Variants in SNX9 observed in about 807,000 individuals in gnomAD.
SNX9 encodes the protein sorting nexin 9.
In SNX9, 44 loss-of-function variants were observed where a neutral mutation model predicts 89.4. That is an observed-to-expected ratio of 0.49 (90% CI 0.39 to 0.63). The LOEUF (loss-of-function observed/expected upper bound fraction) is 0.63. SNX9 is among the 30% of genes least tolerant of loss of function. The pLI, the probability that SNX9 is intolerant of heterozygous loss-of-function variation, is 0.00. For missense variants in SNX9, 578 were observed against 736.1 expected, an observed-to-expected ratio of 0.79 and a Z score of 2.49; for synonymous variants, 236 against 247.8, an observed-to-expected ratio of 0.95 and a Z score of 0.45.
chr6:157,940,849 G>A (rs770201386), intron 16 of SNX9, 34 bp from the exon 17 acceptor site: 4 of 1,595,956 alleles, frequency 2.5e-6, no homozygotes, highest in Non-Finnish European at 3.4e-6. Flanking sequence ...AAAACTTGAG[G>A]GAAAACTGAT....
chr6:157,932,885 AAAAAAAAAAG>A (rs1419941377), intron 13 of SNX9, among the ~76,000 whole-genome samples: 92 of 150,504 alleles, frequency 6.1e-4, no homozygotes, highest in African/African-American at 2.2e-3. Flanking sequence ...AAAAAAAAAA[AAAAAAAAAAG>A]CCAGATTTCA....
intron 4 of SNX9, among the ~76,000 whole-genome samples, chr6:157,888,059 T>C (rs965000513): frequency 3.9e-5 from 6 of 152,062 alleles, no homozygotes; most frequent in African/African-American, 1.5e-4. Flanking sequence ...CCGGGAGACA[T>C]TGTGTTCACA....
intron 11 of SNX9, 127 bp from the exon 12 acceptor site, chr6:157,928,472 T>C (rs1048374401): frequency 4.3e-6 from 3 of 695,552 alleles, no homozygotes; most frequent in Middle Eastern, 2.4e-4. Context: ...TATTTAAGGC[T>C]AACTTAGTGA....
At chr6:157,878,762 T>C (rs1782567908) in intron 4 of SNX9, among the ~76,000 whole-genome samples, 1 of 152,186 alleles carries the variant, frequency 6.6e-6, no homozygotes, top group Non-Finnish European at 1.5e-5. Context: ...AAGGATATAA[T>C]TGATACATTT....
intron 1 of SNX9, among the ~76,000 whole-genome samples, chr6:157,837,725 A>G (rs1262923969): frequency 1.3e-5 from 2 of 152,210 alleles, no homozygotes; most frequent in African/African-American, 4.8e-5. Flanking sequence ...GCATGAAGGC[A>G]TGGGCATGCT....
At chr6:157,924,986 G>C (rs1316763846) in intron 10 of SNX9, among the ~76,000 whole-genome samples, 2 of 152,180 alleles carry the variant, frequency 1.3e-5, no homozygotes, top group African/African-American at 4.8e-5. Flanking sequence ...CTATCCTAGA[G>C]AGCAGGGAAG....
At chr6:157,825,042 G>C (rs1262292842) in intron 1 of SNX9, among the ~76,000 whole-genome samples, 1 of 152,136 alleles carries the variant, frequency 6.6e-6, no homozygotes, top group African/African-American at 2.4e-5. Context: ...GAGGTCGGGA[G>C]CTCGAGACAA....
At chr6:157,882,467 C>T (rs1583215223) in intron 4 of SNX9, among the ~76,000 whole-genome samples, 1 of 152,140 alleles carries the variant, frequency 6.6e-6, no homozygotes, top group Non-Finnish European at 1.5e-5. Flanking sequence ...ATAAGAAATA[C>T]ATTTCGCAAG....
intron 4 of SNX9, among the ~76,000 whole-genome samples, chr6:157,886,060 C>T (rs1782730196): frequency 6.6e-6 from 1 of 152,180 alleles, no homozygotes; most frequent in Non-Finnish European, 1.5e-5. Context: ...GGTGCCATTG[C>T]TCATCTCTGC....
At chr6:157,883,126 C>T (rs1313189786) in intron 4 of SNX9, among the ~76,000 whole-genome samples, 3 of 152,096 alleles carry the variant, frequency 2.0e-5, no homozygotes, top group Non-Finnish European at 2.9e-5. Context: ...AAACAAGACC[C>T]CCCCGCCACC....
intron 2 of SNX9, among the ~76,000 whole-genome samples, chr6:157,869,941 A>G (rs1782357953): frequency 6.6e-6 from 1 of 151,758 alleles, no homozygotes; most frequent in Non-Finnish European, 1.5e-5. Context: ...GCTCTCATAC[A>G]CTTTACATAC....
chr6:157,829,044 C>A (rs1196013995), intron 1 of SNX9: 1 of 152,088 alleles, frequency 6.6e-6, no homozygotes, highest in East Asian at 1.9e-4. Context: ...AACTATTAAT[C>A]CCCAGCTGTA....
chr6:157,847,284 G>A (rs1171347697), intron 1 of SNX9, among the ~76,000 whole-genome samples: 1 of 151,982 alleles, frequency 6.6e-6, no homozygotes, highest in African/African-American at 2.4e-5. Flanking sequence ...TGTATTTTTG[G>A]TAGAGATGGG....
intron 9 of SNX9, among the ~76,000 whole-genome samples, chr6:157,918,731 T>G (rs1294814245): frequency 6.6e-6 from 1 of 152,164 alleles, no homozygotes; most frequent in African/African-American, 2.4e-5. Flanking sequence ...TTCCTCTCAT[T>G]GTTTAAGCTA....
chr6:157,823,714 G>A lies in SNX9; in HGVS notation c.12+268G>A, dbSNP rs1304020078. Among the ~76,000 whole-genome samples, 3 of 151,952 alleles carry A rather than the reference G, an allele frequency of 2.0e-5. No homozygotes were observed. The highest frequency in any genetic ancestry group is 7.2e-5 in the African/African-American group (3 of 41,424). On this transcript the variant is annotated intron_variant, in intron 1 of 17. Coordinates refer to ENST00000392185, the MANE Select transcript of SNX9 (RefSeq NM_016224.5). This position sits in a 1 kb window ranked among gnomAD's most constrained non-coding sequence, Gnocchi z 4.6. ...TGGGACCCCGGGCGCAGCGAGGTTT[G>A]GGAAGTTTGCACCTGAGCGTGGGCT...
intron 9 of SNX9, among the ~76,000 whole-genome samples, chr6:157,910,694 G>C (rs1402796331): frequency 6.8e-6 from 1 of 147,702 alleles, no homozygotes; most frequent in African/African-American, 2.7e-5. Flanking sequence ...AGAGCACCTT[G>C]TAAGTATGCA....
In SNX9 at chr6:157,901,999, G is replaced by A. The variant is rs201265199; in HGVS notation, c.574G>A (p.Gly192Arg). The A allele has an allele frequency of 3.4e-5, 55 of 1,613,808 alleles. No individual in the cohort carries two copies. The highest frequency in any genetic ancestry group is 1.6e-4 in the Middle Eastern group (1 of 6,062). The change falls in exon 6 of 18, where the codon GGA (glycine) becomes AGA (arginine). Residue 192 changes from glycine to arginine, a missense_variant. Gly to Arg is a moderately radical substitution (Grantham distance 125). Transcript: ENST00000392185. Reference protein sequence around the residue: ...ESADAGGAQRGNSRASSSSMK... With the variant: ...ESADAGGAQRRNSRASSSSMK... ...AGCTGATGCAGGCGGCGCTCAGCGAGGAAACAGTCGTGCTAGTTCCTCATC... is the reference window on the plus strand; with the variant it reads ...AGCTGATGCAGGCGGCGCTCAGCGAAGAAACAGTCGTGCTAGTTCCTCATC...
intron 1 of SNX9, among the ~76,000 whole-genome samples, chr6:157,845,550 T>C (rs1781792016): frequency 6.6e-6 from 1 of 152,256 alleles, no homozygotes; most frequent in Admixed American, 6.5e-5. Context: ...TGCATAGCTA[T>C]AGTAACTTAC....
Position 157,875,058 on chromosome 6 carries a change from C to G in SNX9, c.182C>G (p.Pro61Arg). 6.2e-7 allele frequency: 1 copy of G among 1,613,552 alleles called. No individual in the cohort carries two copies. Among genetic ancestry groups the G allele is most frequent in the Non-Finnish European group, 8.5e-7 (1 of 1,179,796 alleles). The stretch of plus-strand genomic sequence containing the variant: ...GCTCTTTCTCCTATTCAGATTTTAC[C>G]CAGTGATGGAAAAGATCAATTTTCT... ...LVPTDYVEIL[P>R]SDGKDQFSCG... The change falls in exon 4 of 18, where the codon CCC (proline) becomes CGC (arginine). Residue 61 changes from proline (P) to arginine (R), a missense_variant. Physicochemically the swap from Pro to Arg is moderately radical, Grantham distance 103. Around this residue, in one of 2 missense-constraint regions of SNX9, gnomAD observed 230 missense variants for 244.7 expected, o/e 0.94. Transcript: ENST00000392185.
Sources: allele counts gnomAD v4.1 joint callset (sites outside exome capture counted in the v4.1 genomes callset), GRCh38; gene constraint gnomAD v4.1.1; regional missense constraint gnomAD v4.1.1; non-coding constraint Gnocchi (gnomAD v3.1); transcripts MANE v1.5; gene names NCBI Gene and HGNC (gene_info 2026-07-23, HGNC 2026-07-21).